The following DLG2 variants were observed in gnomAD, a reference collection of about 807,000 sequenced individuals.
The protein encoded by DLG2 is disks large homolog 2.
Under a neutral mutation model 132.5 loss-of-function variants are expected in DLG2, and 45 were observed. The observed-to-expected ratio is 0.34, with a 90% CI of 0.27 to 0.44. The LOEUF (loss-of-function observed/expected upper bound fraction) is 0.44. Among genes scored for constraint, DLG2 ranks in the 20% least tolerant of loss-of-function variants. The probability of loss-of-function intolerance (pLI) is 1.00; values close to 1 mark genes in which losing one functional copy is unlikely to be tolerated. For missense variants in DLG2, 1,045 were observed against 1,196.9 expected (o/e 0.87, Z 1.87); for synonymous variants, 424 against 419.6 (o/e 1.01, Z -0.13).
chr11:84,431,591 C>A (rs1256308671), intron 7 of DLG2, among the ~76,000 whole-genome samples: 1 of 151,920 alleles, frequency 6.6e-6, no homozygotes, highest in Non-Finnish European at 1.5e-5. Context: ...GAATAGGACA[C>A]ATAATATTTG....
At chr11:85,535,047 G>A (rs2075485185) in intron 3 of DLG2, among the ~76,000 whole-genome samples, 1 of 152,080 alleles carries the variant, frequency 6.6e-6, no homozygotes, top group South Asian at 2.1e-4. Context: ...GGTGTGACAT[G>A]GTATCTCACT....
chr11:83,914,052 T>C (rs768250245), intron 15 of DLG2, among the ~76,000 whole-genome samples: 2 of 152,112 alleles, frequency 1.3e-5, no homozygotes, highest in African/African-American at 2.4e-5. Context: ...TAAAGATATA[T>C]GGATATGATG....
At chr11:84,895,658 G>C (rs11600059) in intron 6 of DLG2, among the ~76,000 whole-genome samples, 14,722 of 152,154 alleles carry the variant, frequency 0.097, 937 homozygotes, top group African/African-American at 0.18. Flanking sequence ...TAGTTTTATT[G>C]TAAGGGGAGT....
chr11:83,522,912 G>T (rs968391078), intron 21 of DLG2, among the ~76,000 whole-genome samples: 1 of 149,930 alleles, frequency 6.7e-6, no homozygotes, highest in East Asian at 2.0e-4. Flanking sequence ...GATATTACAC[G>T]TGCTATTATT....
At chr11:84,612,407 G>A (rs1435793554) in intron 6 of DLG2, among the ~76,000 whole-genome samples, 1 of 151,930 alleles carries the variant, frequency 6.6e-6, no homozygotes, top group African/African-American at 2.4e-5. Context: ...AGTCGTCATT[G>A]ACTTATGTAG....
chr11:83,695,326 T>A (rs1019083819), intron 18 of DLG2, among the ~76,000 whole-genome samples: 1 of 152,052 alleles, frequency 6.6e-6, no homozygotes, highest in African/African-American at 2.4e-5. Flanking sequence ...ACAAACTAAG[T>A]GAAAGTGAAA....
chr11:84,821,205 G>A (rs932450963), intron 6 of DLG2, among the ~76,000 whole-genome samples: 6 of 151,708 alleles, frequency 4.0e-5, no homozygotes, highest in East Asian at 2.0e-4. Flanking sequence ...GACAACAGAC[G>A]AACAACTGTG....
At chr11:85,396,974 T>A (rs756667685) in intron 3 of DLG2, among the ~76,000 whole-genome samples, 1 of 152,076 alleles carries the variant, frequency 6.6e-6, no homozygotes, top group Non-Finnish European at 1.5e-5. Flanking sequence ...GACATATAAT[T>A]GTCAGATTTG....
chr11:84,735,224 T>C (rs2063675766), intron 6 of DLG2, among the ~76,000 whole-genome samples: 1 of 152,190 alleles, frequency 6.6e-6, no homozygotes, highest in Non-Finnish European at 1.5e-5. Context: ...TACCAGCTCC[T>C]CCTTGTACCT....
rs149003512 is a variant in DLG2, at chr11:84,102,421, C to A, written c.625-3374G>T. On this transcript the variant is annotated intron_variant, in intron 9 of 27. Transcript: ENST00000376104. The stretch of plus-strand genomic sequence containing the variant: ...GCCCTAACAGGAAGACTCAAAAAGG[C>A]CACAATAGAAATCCACAATGTGTTA... Among the ~76,000 whole-genome samples the A allele has an allele frequency of 3.9e-3, 588 of 152,130 alleles. 2 individuals carry two copies. The highest frequency in any genetic ancestry group is 0.013 in the African/African-American group (555 of 41,514).
At chr11:83,833,990 CT>C (rs1370181446) in intron 16 of DLG2, among the ~76,000 whole-genome samples, 1 of 152,176 alleles carries the variant, frequency 6.6e-6, no homozygotes, top group East Asian at 1.9e-4. Flanking sequence ...AAAATCATTC[CT>C]TCATTCTAAA....
chr11:85,607,019 T>G (rs1185423245), intron 2 of DLG2, among the ~76,000 whole-genome samples: 1 of 152,056 alleles, frequency 6.6e-6, no homozygotes, highest in Non-Finnish European at 1.5e-5. Context: ...ACCCACCAAT[T>G]CTGGACACAT....
chr11:84,104,115 G>A (rs1324238553), intron 9 of DLG2, among the ~76,000 whole-genome samples: 1 of 152,038 alleles, frequency 6.6e-6, no homozygotes, highest in Non-Finnish European at 1.5e-5. Flanking sequence ...ATCTGAATGT[G>A]GGGATAGTTT....
chr11:83,832,540 T>C (rs1011906800), intron 17 of DLG2, among the ~76,000 whole-genome samples: 2 of 152,002 alleles, frequency 1.3e-5, no homozygotes, highest in Admixed American at 6.6e-5. Context: ...TACTTATAAG[T>C]GGGAGCGAAA....
intron 19 of DLG2, among the ~76,000 whole-genome samples, chr11:83,625,183 T>C (rs2062297299): frequency 6.6e-6 from 1 of 152,194 alleles, no homozygotes; most frequent in African/African-American, 2.4e-5. Flanking sequence ...TGTGGCATGT[T>C]CTCTGGGAAA....
chr11:84,364,871 A>G (rs544674286), intron 7 of DLG2, among the ~76,000 whole-genome samples: 3 of 152,288 alleles, frequency 2.0e-5, no homozygotes, highest in African/African-American at 7.2e-5. Flanking sequence ...TCACTTGATC[A>G]TGGTGGATAA....
At chr11:83,558,072 G>A (rs2096549670) in intron 19 of DLG2, among the ~76,000 whole-genome samples, 1 of 152,166 alleles carries the variant, frequency 6.6e-6, no homozygotes, top group African/African-American at 2.4e-5. Flanking sequence ...ATAATCCACA[G>A]ACATGTGGGT....
At chr11:85,573,185 T>C (rs1389856660) in intron 3 of DLG2, among the ~76,000 whole-genome samples, 2 of 152,144 alleles carry the variant, frequency 1.3e-5, no homozygotes, top group African/African-American at 4.8e-5. Flanking sequence ...TGAAGAACCA[T>C]AAACCAATTA....
chr11:83,821,006 C>T lies in DLG2; in HGVS notation c.1722+12608G>A, dbSNP rs142932789. ...TCCAAAAGCTTTCCTTTCCCATTAG[C>T]GAAGACTTCAAGTTCTTTCATCTAA... On this transcript the variant is annotated intron_variant, in intron 17 of 27. Coordinates refer to ENST00000376104, the MANE Select transcript of DLG2 (RefSeq NM_001142699.3). Among the ~76,000 whole-genome samples, 941 of 152,284 alleles carry T rather than the reference C, an allele frequency of 6.2e-3. 9 individuals carry two copies. The highest frequency in any genetic ancestry group is 0.02 in the Middle Eastern group (6 of 294).
Sources: allele counts gnomAD v4.1 joint callset (sites outside exome capture counted in the v4.1 genomes callset), GRCh38; gene constraint gnomAD v4.1.1; transcripts MANE v1.5; gene names NCBI Gene and HGNC (gene_info 2026-07-23, HGNC 2026-07-21).